PRR11: variants seen among roughly 807,000 people sequenced by gnomAD.
PRR11 encodes proline-rich protein 11.
A neutral mutation model predicts 45.6 loss-of-function variants in PRR11; 30 were observed. The ratio of observed to expected loss-of-function variants is 0.66; its 90% CI spans 0.49 to 0.89. PRR11 has a LOEUF of 0.89. Ranked by LOEUF, PRR11 falls within the 40% of genes least tolerant of loss-of-function variation. PRR11 has a pLI of 0.00. For missense variants in PRR11, 373 were observed against 424.8 expected (o/e 0.88, Z 1.07); for synonymous variants, 128 against 153.5 (o/e 0.83, Z 1.23).
rs1309501091 is a variant in PRR11 at position 59,169,850 on chromosome 17, C to T, written c.98C>T (p.Thr33Ile). The change falls in exon 2 of 10, where the codon ACA becomes ATA. Residue 33 changes from threonine to isoleucine, a missense_variant. Thr to Ile is a moderately conservative substitution (Grantham distance 89). Coordinates refer to ENST00000262293, the MANE Select transcript of PRR11 (RefSeq NM_018304.4). ...TCTCACTTTCAGTCCAAGCTAATTA[C>T]ACCTCCTCCTCCACCACCCTCACCA... is the stretch of plus-strand genomic sequence containing the variant. ...EASHFQSKLI[T>I]PPPPPPSPER... is the part of the protein sequence containing the mutation. 4 of 1,610,170 alleles carry T rather than the reference C, an allele frequency of 2.5e-6. No homozygotes were observed. Among genetic ancestry groups the T allele is most frequent in the East Asian group, 2.2e-5 (1 of 44,862 alleles).
intron 4 of PRR11, among the ~76,000 whole-genome samples, chr17:59,187,963 G>A (rs979043288): frequency 6.6e-6 from 1 of 151,946 alleles, no homozygotes; most frequent in African/African-American, 2.4e-5. Flanking sequence ...TAGGCAGCAG[G>A]AAGAAAGAGA....
At chr17:59,169,093 CTT>C (rs780548478) in intron 1 of PRR11, among the ~76,000 whole-genome samples, 35 of 106,722 alleles carry the variant, frequency 3.3e-4, no homozygotes, top group African/African-American at 1.0e-3. Context: ...GAAACATATT[CTT>C]TTTTTTTTTT....
chr17:59,160,937 G>C (rs995191859), intron 1 of PRR11: 5 of 150,258 alleles, frequency 3.3e-5, no homozygotes, highest in African/African-American at 1.2e-4. Flanking sequence ...GACTCTCACT[G>C]TGTTGCCCAG....
intron 4 of PRR11, among the ~76,000 whole-genome samples, chr17:59,190,904 T>C (rs1351642389): frequency 2.0e-5 from 3 of 152,196 alleles, no homozygotes; most frequent in Non-Finnish European, 4.4e-5. Flanking sequence ...ACCCAGGTGC[T>C]TTTATACCAG....
At chr17:59,184,443 C>A (rs1478288291) in intron 2 of PRR11, among the ~76,000 whole-genome samples, 1 of 152,258 alleles carries the variant, frequency 6.6e-6, no homozygotes, top group Non-Finnish European at 1.5e-5. Flanking sequence ...GCCTGGGCAA[C>A]AAGAGCAAAA....
chr17:59,195,545 C>A (rs1241643513), intron 7 of PRR11, 102 bp downstream of exon 7: 3 of 747,998 alleles, frequency 4.0e-6, no homozygotes, highest in Non-Finnish European at 6.3e-6. Flanking sequence ...GTGTGTATTT[C>A]TAATGTTAAA....
At chr17:59,173,472 C>T (rs1415696949) in intron 2 of PRR11, among the ~76,000 whole-genome samples, 1 of 152,214 alleles carries the variant, frequency 6.6e-6, no homozygotes, top group Admixed American at 6.5e-5. Flanking sequence ...TGCAGCTTCA[C>T]TTCTGAAGCC....
At chr17:59,173,836 C>A (rs1272400489) in intron 2 of PRR11, among the ~76,000 whole-genome samples, 1 of 152,166 alleles carries the variant, frequency 6.6e-6, no homozygotes. Flanking sequence ...CAAATGGCTC[C>A]TCTCCTCCTT....
At chr17:59,180,519 G>GT (rs71300619) in intron 2 of PRR11, among the ~76,000 whole-genome samples, 54 of 122,892 alleles carry the variant, frequency 4.4e-4, no homozygotes, top group South Asian at 1.8e-3. Flanking sequence ...TGTTTTTTTT[G>GT]TTTTTTTTGC....
At chr17:59,162,672 G>A (rs1312393793) in intron 1 of PRR11, among the ~76,000 whole-genome samples, 1 of 147,152 alleles carries the variant, frequency 6.8e-6, no homozygotes, top group Non-Finnish European at 1.5e-5. Context: ...TTTTTTTCAA[G>A]TGTAGGCACT....
intron 1 of PRR11, among the ~76,000 whole-genome samples, chr17:59,158,748 G>A (rs2046637826): frequency 6.6e-6 from 1 of 152,118 alleles, no homozygotes; most frequent in Non-Finnish European, 1.5e-5. Context: ...AAAAAGTGAA[G>A]GCAACTGAAG....
At chr17:59,157,360 A>G (rs1165287713) in intron 1 of PRR11, among the ~76,000 whole-genome samples, 1 of 152,208 alleles carries the variant, frequency 6.6e-6, no homozygotes, top group Non-Finnish European at 1.5e-5. Flanking sequence ...AAAGATGTGT[A>G]TAAAGTGCTA....
intron 7 of PRR11, 22 bp downstream of exon 7, chr17:59,195,465 T>C (rs1487641450): frequency 7.0e-7 from 1 of 1,430,884 alleles, no homozygotes; most frequent in African/African-American, 1.4e-5. Context: ...CACAGTACTA[T>C]GCTCTACTAC....
In PRR11 at chr17:59,193,524, T is replaced by C. The variant is rs776784046; in HGVS notation, c.435T>C (p.Cys145=). 3 of 1,614,062 alleles carry C rather than the reference T, an allele frequency of 1.9e-6. No individual in the cohort carries two copies. In the African/African-American group the frequency reaches 4.0e-5, roughly 22 times the overall value. Residue 145 remains cysteine (C), a synonymous_variant, in exon 5 of 10, where the codon TGT becomes TGC. Coordinates refer to ENST00000262293, the MANE Select transcript of PRR11 (RefSeq NM_018304.4). ...TISESSSCPS[C]GQTCHMSGKL... is the part of the protein sequence containing the mutation. Reference sequence around the variant, plus strand: ...CAGAAAGTTCTTCCTGTCCAAGCTGTGGTCAAACATGTCACATGAGTGGTA... The same window carrying C: ...CAGAAAGTTCTTCCTGTCCAAGCTGCGGTCAAACATGTCACATGAGTGGTA...
At chr17:59,169,922 G>A (rs2046699185) in intron 2 of PRR11, 42 bp downstream of exon 2, 5 of 1,571,778 alleles carry the variant, frequency 3.2e-6, no homozygotes, top group Non-Finnish European at 4.3e-6. Flanking sequence ...AGAGAGATCT[G>A]ATCAGTTTAA....
At chr17:59,195,690 C>A (rs55848849) in intron 7 of PRR11, among the ~76,000 whole-genome samples, 1 of 152,116 alleles carries the variant, frequency 6.6e-6, no homozygotes, top group Non-Finnish European at 1.5e-5. Context: ...TAGTCTTTTT[C>A]TGGGCATATG....
At chr17:59,193,303 A>G (rs2046848185) in intron 4 of PRR11, among the ~76,000 whole-genome samples, 189 bp from the exon 5 acceptor site, 1 of 152,218 alleles carries the variant, frequency 6.6e-6, no homozygotes, top group Non-Finnish European at 1.5e-5. Flanking sequence ...AGTGCCTGGC[A>G]TATAGCACAT....
chr17:59,157,732 A>G (rs1039549167), intron 1 of PRR11, among the ~76,000 whole-genome samples: 2 of 152,040 alleles, frequency 1.3e-5, no homozygotes, highest in African/African-American at 4.8e-5. Flanking sequence ...TTCTAGAAGG[A>G]CAAAGACTAT....
intron 4 of PRR11, among the ~76,000 whole-genome samples, chr17:59,189,346 T>G (rs1394589517): frequency 6.6e-6 from 1 of 152,028 alleles, no homozygotes; most frequent in Non-Finnish European, 1.5e-5. Context: ...TTTTTTTTGT[T>G]CGTTTGAGAC....
Sources: allele counts gnomAD v4.1 joint callset (sites outside exome capture counted in the v4.1 genomes callset), GRCh38; gene constraint gnomAD v4.1.1; transcripts MANE v1.5; gene names NCBI Gene and HGNC (gene_info 2026-07-23, HGNC 2026-07-21).